The following SH3KBP1 variants were observed in gnomAD, a reference collection of about 807,000 sequenced individuals.
The protein encoded by SH3KBP1 is SH3 domain containing kinase binding protein 1.
A neutral mutation model predicts 50.1 loss-of-function variants in SH3KBP1; 8 were observed. That is an observed-to-expected ratio of 0.16 (90% CI 0.09 to 0.29). SH3KBP1 has a LOEUF of 0.29. Among genes scored for constraint, SH3KBP1 ranks in the 10% least tolerant of loss-of-function variants. The pLI is 1.00. For missense variants in SH3KBP1, 377 were observed against 535.2 expected (o/e 0.70, Z 2.92); for synonymous variants, 227 against 218.6 (o/e 1.04, Z -0.34).
chrX:19,813,702 C>A (rs992507409), intron 2 of SH3KBP1, among the ~76,000 whole-genome samples: 1 of 110,551 alleles, frequency 9.0e-6, no homozygotes, highest in Admixed American at 9.6e-5. Context: ...CCACCTGAGG[C>A]TCTCCCTGCC....
At chrX:19,645,644 C>T (rs2061972354) in intron 6 of SH3KBP1, among the ~76,000 whole-genome samples, 169 bp from the exon 7 acceptor site, 1 of 112,281 alleles carries the variant, frequency 8.9e-6, no homozygotes, top group South Asian at 3.7e-4. Flanking sequence ...TAGGTTTCAT[C>T]CTCAATGACA....
At chrX:19,722,913 T>C (rs2064110279) in intron 3 of SH3KBP1, among the ~76,000 whole-genome samples, 1 of 109,583 alleles carries the variant, frequency 9.1e-6, no homozygotes, top group Non-Finnish European at 1.9e-5. Flanking sequence ...GGCAGGCAGA[T>C]CTCTTGAGCT....
intron 6 of SH3KBP1, among the ~76,000 whole-genome samples, chrX:19,666,834 T>C (rs900197489): frequency 1.8e-5 from 2 of 111,847 alleles, no homozygotes; most frequent in African/African-American, 3.3e-5. Context: ...GATCCAGCAA[T>C]TCTACTTCTG....
chrX:19,851,041 G>T (rs1034592939), intron 1 of SH3KBP1, among the ~76,000 whole-genome samples: 3 of 111,375 alleles, frequency 2.7e-5, no homozygotes, highest in Non-Finnish European at 5.7e-5. Context: ...GAATGGGGCG[G>T]GGGGCAGGGT....
chrX:19,597,581 C>G (rs762790519), intron 9 of SH3KBP1, among the ~76,000 whole-genome samples: 5 of 111,760 alleles, frequency 4.5e-5, no homozygotes, highest in African/African-American at 1.6e-4. Flanking sequence ...ACCACCACAA[C>G]TGGCCAGTTT....
intron 2 of SH3KBP1, among the ~76,000 whole-genome samples, chrX:19,813,555 G>A (rs1474091258): frequency 1.8e-5 from 2 of 111,726 alleles, no homozygotes; most frequent in Non-Finnish European, 3.8e-5. Flanking sequence ...TCTAGTTACC[G>A]TGCTGCACAG....
intron 12 of SH3KBP1, among the ~76,000 whole-genome samples, chrX:19,575,146 A>G (rs1208585247): frequency 8.9e-6 from 1 of 112,860 alleles, no homozygotes; most frequent in Non-Finnish European, 1.9e-5. Flanking sequence ...CAACTGTTAA[A>G]ATTATAAAGA....
At chrX:19,651,802 G>A (rs1190472688) in intron 6 of SH3KBP1, among the ~76,000 whole-genome samples, 3 of 111,710 alleles carry the variant, frequency 2.7e-5, no homozygotes, top group Non-Finnish European at 5.6e-5. Flanking sequence ...CAAGACCAGC[G>A]TGGGCAACAT....
Position 19,861,692 on chromosome X carries a change from CA to C in SH3KBP1, c.5-25411del, listed in dbSNP as rs1369443990. Among the ~76,000 whole-genome samples, 3 of 110,398 alleles carry C rather than the reference CA, an allele frequency of 2.7e-5. No individual in the cohort carries two copies. In the Admixed American group the frequency reaches 2.9e-4, roughly 11 times the overall value. ...TACAGATTTTTTTTAAAGATTAGGA[CA>C]AAAAAGGAGTCAGAGCCAAATACAG... On this transcript the variant is annotated intron_variant, in intron 1 of 17. Transcript: ENST00000397821.
At chrX:19,732,005 A>G (rs1253379186) in intron 3 of SH3KBP1, among the ~76,000 whole-genome samples, 1 of 112,162 alleles carries the variant, frequency 8.9e-6, no homozygotes, top group Non-Finnish European at 1.9e-5. Context: ...ATACTGTCAT[A>G]GTTGAAAAAC....
chrX:19,675,598 G>A (rs751674632), intron 6 of SH3KBP1, among the ~76,000 whole-genome samples: 1 of 110,530 alleles, frequency 9.0e-6, no homozygotes, highest in South Asian at 3.9e-4. Flanking sequence ...TAGAGACTGG[G>A]TTTCACAGTG....
chrX:19,541,161 C>T (rs992637200), intron 16 of SH3KBP1, among the ~76,000 whole-genome samples: 6 of 112,232 alleles, frequency 5.3e-5, no homozygotes, highest in Admixed American at 9.4e-5. Flanking sequence ...AGGTGATTCA[C>T]CTGCCTTGGC....
At chrX:19,778,486 C>T (rs1002660770) in intron 2 of SH3KBP1, among the ~76,000 whole-genome samples, 12 of 108,945 alleles carry the variant, frequency 1.1e-4, no homozygotes. Flanking sequence ...TTACCCTCTC[C>T]TTGGAACTCA....
chrX:19,788,694 T>C (rs769182941), intron 2 of SH3KBP1, among the ~76,000 whole-genome samples: 12 of 111,934 alleles, frequency 1.1e-4, no homozygotes, highest in Non-Finnish European at 2.3e-4. Context: ...ACCTCCAATA[T>C]GTTAACAGAT....
At chrX:19,743,744 A>C (rs1451728791) in intron 3 of SH3KBP1, among the ~76,000 whole-genome samples, 1 of 112,497 alleles carries the variant, frequency 8.9e-6, no homozygotes, top group Non-Finnish European at 1.9e-5. Flanking sequence ...AGCTGGACAC[A>C]ATTGGGCAAA....
intron 2 of SH3KBP1, among the ~76,000 whole-genome samples, chrX:19,776,532 G>GTTTTTGTTTTT (rs1175802634): frequency 1.6e-4 from 4 of 25,681 alleles, no homozygotes; most frequent in African/African-American, 6.7e-4. Context: ...TGACAACCTG[G>GTTTTTGTTTTT]TTTTTTTTTT....
chrX:19,805,738 C>A (rs1257753647), intron 2 of SH3KBP1, among the ~76,000 whole-genome samples: 3 of 110,712 alleles, frequency 2.7e-5, no homozygotes, highest in Non-Finnish European at 5.7e-5. Context: ...AAGCCACCCA[C>A]CAGCCCACGT....
chrX:19,635,006 A>G (rs944430237), intron 7 of SH3KBP1, among the ~76,000 whole-genome samples: 4 of 111,236 alleles, frequency 3.6e-5, no homozygotes, highest in African/African-American at 1.3e-4. Flanking sequence ...GGGAGCTCTG[A>G]CTTTGAGCTG....
At chrX:19,642,409 T>G (rs749298158) in intron 7 of SH3KBP1, among the ~76,000 whole-genome samples, 102 of 111,708 alleles carry the variant, frequency 9.1e-4, no homozygotes, top group Non-Finnish European at 1.5e-3. Flanking sequence ...GCAAAGGCGG[T>G]ATGAGTGTCC....
Sources: allele counts gnomAD v4.1 joint callset (sites outside exome capture counted in the v4.1 genomes callset), GRCh38; gene constraint gnomAD v4.1.1; transcripts MANE v1.5; gene names NCBI Gene and HGNC (gene_info 2026-07-23, HGNC 2026-07-21).